Variants in TMTC4 observed in about 807,000 individuals in gnomAD.
TMTC4 encodes the protein transmembrane O-mannosyltransferase targeting cadherins 4.
TMTC4 carries 65 observed loss-of-function variants against 86.0 expected under a neutral mutation model. The observed-to-expected ratio is 0.76, with a 90% CI of 0.62 to 0.93. The LOEUF (loss-of-function observed/expected upper bound fraction) is 0.93, where lower values mean the gene tolerates loss of function less well. TMTC4 is among the 40% of genes least tolerant of loss of function. The probability of loss-of-function intolerance (pLI) is 0.00; values close to 1 mark genes in which losing one functional copy is unlikely to be tolerated. For synonymous variants in TMTC4, 379 were observed against 382.5 expected (o/e 0.99, Z 0.11); for missense variants, 866 against 948.1 (o/e 0.91, Z 1.14).
At chr13:100,652,614 C>T (rs770263044) in intron 6 of TMTC4, among the ~76,000 whole-genome samples, 1 of 151,994 alleles carries the variant, frequency 6.6e-6, no homozygotes, top group African/African-American at 2.4e-5. Flanking sequence ...TTTTGTTGTA[C>T]TGAAGGAAAT....
rs891253986 is a variant in TMTC4 at position 100,604,104 on chromosome 13, T to C, written c.*890A>G. 1.3e-5 allele frequency: 2 copies of C among 152,620 alleles called. No individual in the cohort carries two copies. Among genetic ancestry groups the C allele is most frequent in the Non-Finnish European group, 2.9e-5 (2 of 68,036 alleles). The allele number at this position is 152,620 out of a possible 1,614,324, so 9.5% of individuals were successfully genotyped here. A position where few individuals can be genotyped will look rare whatever the true frequency, so the allele number is the denominator to read the frequency against. On this transcript the variant is annotated 3_prime_UTR_variant, in exon 19 of 19. Coordinates refer to ENST00000342624, the MANE Select transcript of TMTC4 (RefSeq NM_032813.5). ...ACGAATTCCCCGAATGTGGCTCCAT[T>C]TGATAGAAAATTTTGCATTTTCTGG...
At position 100,604,238 on chromosome 13, in the gene TMTC4, A is replaced by G. The variant is rs941757943; in HGVS notation, c.*756T>C. The stretch of plus-strand genomic sequence containing the variant: ...CCTCTTCACCTTGGATGTAACAAAA[A>G]TAAAGATGTGAGGCTGCCTGCTCTT... On this transcript the variant is annotated 3_prime_UTR_variant, in exon 19 of 19. Coordinates refer to ENST00000342624, the MANE Select transcript of TMTC4 (RefSeq NM_032813.5). The G allele has an allele frequency of 6.5e-6, 1 of 152,794 alleles. No individual in the cohort carries two copies. The highest frequency in any genetic ancestry group is 2.1e-4 in the South Asian group (1 of 4,830). 9.5% of individuals were successfully genotyped at this position (152,794 alleles called of 1,614,324 possible).
intron 7 of TMTC4, among the ~76,000 whole-genome samples, chr13:100,639,061 G>A (rs757546457): frequency 1.4e-4 from 22 of 152,142 alleles, no homozygotes; most frequent in Non-Finnish European, 2.4e-4. Context: ...CAGTGTCATC[G>A]ACAGAACTCC....
At chr13:100,661,485 C>A (rs1410405514) in intron 5 of TMTC4, among the ~76,000 whole-genome samples, 5 of 152,252 alleles carry the variant, frequency 3.3e-5, no homozygotes, top group African/African-American at 4.8e-5. Context: ...ATCAGTACTT[C>A]TCCAGTGAAT....
chr13:100,631,607 C>A (rs1452125122), intron 12 of TMTC4, among the ~76,000 whole-genome samples: 1 of 152,114 alleles, frequency 6.6e-6, no homozygotes, highest in African/African-American at 2.4e-5. Context: ...CCTTGACATG[C>A]AGACCAGGGA....
chr13:100,659,405 C>A (rs1299564841), intron 5 of TMTC4, among the ~76,000 whole-genome samples: 1 of 152,200 alleles, frequency 6.6e-6, no homozygotes, highest in South Asian at 2.1e-4. Context: ...GTAGCTGGGA[C>A]TCCAGGCATG....
At chr13:100,674,440 G>A in intron 1 of TMTC4, 5 of 899,328 alleles carry the variant, frequency 5.6e-6, no homozygotes, top group Non-Finnish European at 5.3e-6. Context: ...GGCAGGGGCT[G>A]GGGGCGGCGA....
chr13:100,655,375 T>C (rs962626938), intron 6 of TMTC4, among the ~76,000 whole-genome samples: 1 of 152,236 alleles, frequency 6.6e-6, no homozygotes, highest in African/African-American at 2.4e-5. Flanking sequence ...TCTGATAAAC[T>C]GTTATCTGTA....
At chr13:100,639,355 TG>T (rs1882714674) in intron 7 of TMTC4, among the ~76,000 whole-genome samples, 1 of 152,152 alleles carries the variant, frequency 6.6e-6, no homozygotes, top group Admixed American at 6.5e-5. Flanking sequence ...ATGATCTTAG[TG>T]GGTCACAGAA....
At chr13:100,623,094 TC>T (rs1879796956) in intron 15 of TMTC4, among the ~76,000 whole-genome samples, 1 of 152,226 alleles carries the variant, frequency 6.6e-6, no homozygotes, top group African/African-American at 2.4e-5. Flanking sequence ...GTCAGTGTTT[TC>T]TAGGATTGTT....
chr13:100,665,582 T>C (rs1886297751), intron 3 of TMTC4, among the ~76,000 whole-genome samples: 1 of 152,162 alleles, frequency 6.6e-6, no homozygotes, highest in Admixed American at 6.5e-5. Flanking sequence ...CAGTTCCTGA[T>C]TCCAACAGGT....
At chr13:100,648,244 G>T (rs1883993571) in intron 6 of TMTC4, among the ~76,000 whole-genome samples, 1 of 152,166 alleles carries the variant, frequency 6.6e-6, no homozygotes, top group East Asian at 1.9e-4. Context: ...AATCATTACA[G>T]CTAATGAGTG....
intron 3 of TMTC4, among the ~76,000 whole-genome samples, chr13:100,666,863 G>T (rs1886455226): frequency 6.6e-6 from 1 of 152,170 alleles, no homozygotes; most frequent in Non-Finnish European, 1.5e-5. Context: ...GGTGGCGCAT[G>T]ACTGTAATCT....
intron 17 of TMTC4, among the ~76,000 whole-genome samples, chr13:100,610,709 G>C (rs560242055): frequency 6.6e-6 from 1 of 152,342 alleles, no homozygotes; most frequent in South Asian, 2.1e-4. Context: ...CGAACTCTGG[G>C]TTTTATCCCC....
At chr13:100,670,221 C>A in intron 2 of TMTC4, 139 bp downstream of exon 2, 6 of 881,880 alleles carry the variant, frequency 6.8e-6, no homozygotes, top group Non-Finnish European at 1.0e-5. Context: ...GTATTTGTTT[C>A]TGGATCTCTA....
intron 15 of TMTC4, among the ~76,000 whole-genome samples, chr13:100,621,115 TG>T (rs1879405723): frequency 6.6e-6 from 1 of 152,260 alleles, no homozygotes; most frequent in African/African-American, 2.4e-5. Flanking sequence ...ATGCTACAGA[TG>T]ATCTTCCAAG....
At chr13:100,648,037 A>G (rs1480100599) in intron 6 of TMTC4, among the ~76,000 whole-genome samples, 1 of 152,204 alleles carries the variant, frequency 6.6e-6, no homozygotes, top group Admixed American at 6.5e-5. Context: ...TTTGCTTCAA[A>G]CACACCCAGC....
intron 6 of TMTC4, among the ~76,000 whole-genome samples, chr13:100,654,283 T>A (rs1330433014): frequency 1.3e-5 from 2 of 152,160 alleles, no homozygotes; most frequent in African/African-American, 4.8e-5. Flanking sequence ...ATCTACAAAT[T>A]TAACATTAAA....
In TMTC4 at chr13:100,664,303, A is replaced by G; in HGVS notation, c.253T>C (p.Trp85Arg). Residue 85 changes from tryptophan (W) to arginine (R), a missense_variant, in exon 4 of 19, where the codon TGG (tryptophan) becomes CGG (arginine). Coordinates refer to ENST00000342624, the MANE Select transcript of TMTC4 (RefSeq NM_032813.5). ...CTACTGCCCCAGAAGTCATGATGCC[A>G]CAGGTCCCCCAGGGGCGTTTCTGCT... ...LQAETPLGDL[W>R]HHDFWGSRLS... 1 of 1,611,546 alleles carries G rather than the reference A, an allele frequency of 6.2e-7. No homozygotes were observed. The highest frequency in any genetic ancestry group is 8.5e-7 in the Non-Finnish European group (1 of 1,178,734).
Sources: allele counts gnomAD v4.1 joint callset (sites outside exome capture counted in the v4.1 genomes callset), GRCh38; gene constraint gnomAD v4.1.1; transcripts MANE v1.5; gene names NCBI Gene and HGNC (gene_info 2026-07-23, HGNC 2026-07-21).